The following UNG variants were observed in gnomAD, a reference collection of about 807,000 sequenced individuals.
UNG encodes uracil DNA glycosylase.
Under a neutral mutation model 36.5 loss-of-function variants are expected in UNG, and 34 were observed. That is an observed-to-expected ratio of 0.93 (90% CI 0.71 to 1.24). The LOEUF (loss-of-function observed/expected upper bound fraction) is 1.24. Ranked by LOEUF, UNG falls within the 50% of genes most tolerant of loss-of-function variation. UNG has a pLI of 0.00. For synonymous variants in UNG, 172 were observed against 157.8 expected, an observed-to-expected ratio of 1.09 and a Z score of -0.67; for missense variants, 391 against 397.6, an observed-to-expected ratio of 0.98 and a Z score of 0.14.
At position 109,109,922 on chromosome 12, in the gene UNG, C is replaced by G; in HGVS notation, c.895C>G (p.Leu299Val). The change falls in exon 7 of 7, where the codon CTG becomes GTG. Residue 299 changes from leucine to valine, a missense_variant. Transcript: ENST00000242576. ...GCRHFSKTNE[L>V]LQKSGKKPID... is the part of the protein sequence containing the mutation. Reference sequence around the variant, plus strand: ...TAGACACTTTTCAAAGACCAATGAGCTGCTGCAGAAGTCTGGCAAGAAGCC... The same window carrying G: ...TAGACACTTTTCAAAGACCAATGAGGTGCTGCAGAAGTCTGGCAAGAAGCC... 6.2e-7 allele frequency: 1 copy of G among 1,614,168 alleles called. No individual in the cohort carries two copies. The highest frequency in any genetic ancestry group is 8.5e-7 in the Non-Finnish European group (1 of 1,180,032).
Position 109,097,826 on chromosome 12 carries a change from G to A in UNG, c.132+15G>A. 1 of 1,534,960 alleles carries A rather than the reference G, an allele frequency of 6.5e-7. No homozygotes were observed. The highest frequency in any genetic ancestry group is 2.5e-5 in the East Asian group (1 of 40,638). On this transcript the variant is annotated intron_variant, in intron 1 of 6. Transcript: ENST00000242576. Reference sequence around the variant, plus strand: ...GAGATGCGGCGGTGAGGCGCGGCTTGGGCCGGGGCTAGGGGGTGAAGGGGG... The same window carrying A: ...GAGATGCGGCGGTGAGGCGCGGCTTAGGCCGGGGCTAGGGGGTGAAGGGGG...
In UNG at chr12:109,110,387, T is replaced by C. The variant is rs939509678; in HGVS notation, c.*418T>C. On this transcript the variant is annotated 3_prime_UTR_variant, in exon 7 of 7. Coordinates refer to ENST00000242576, the MANE Select transcript of UNG (RefSeq NM_080911.3). ...GTGTTTTTGCTTAGAAAGGTCCCCT[T>C]GTCTCAGCCTTGCAGGGCAGGCATG... is the stretch of plus-strand genomic sequence containing the variant. The C allele has an allele frequency of 8.3e-6, 2 of 240,948 alleles. No homozygotes were observed. The highest frequency in any genetic ancestry group is 1.7e-5 in the Non-Finnish European group (2 of 121,060). 14.9% of individuals were successfully genotyped at this position (240,948 alleles called of 1,614,324 possible). A position where few individuals can be genotyped will look rare whatever the true frequency, so the allele number is the denominator to read the frequency against.
At position 109,110,224 on chromosome 12, in the gene UNG, A is replaced by G; in HGVS notation, c.*255A>G. Reference sequence around the variant, plus strand: ...AATATGCAGAAGACAGATGAGGTCAAATACTCAGTTGGCTCTCTTTATCTC... The same window carrying G: ...AATATGCAGAAGACAGATGAGGTCAGATACTCAGTTGGCTCTCTTTATCTC... On this transcript the variant is annotated 3_prime_UTR_variant, in exon 7 of 7. Coordinates refer to ENST00000242576, the MANE Select transcript of UNG (RefSeq NM_080911.3). The G allele has an allele frequency of 1.9e-6, 1 of 529,868 alleles. No individual in the cohort carries two copies. Among genetic ancestry groups the G allele is most frequent in the Non-Finnish European group, 3.4e-6 (1 of 295,178 alleles). The allele number at this position is 529,868 out of a possible 1,614,324, so 32.8% of individuals were successfully genotyped here.
chr12:109,110,046 C>T lies in UNG; in HGVS notation c.*77C>T. On this transcript the variant is annotated 3_prime_UTR_variant, in exon 7 of 7. Coordinates refer to ENST00000242576, the MANE Select transcript of UNG (RefSeq NM_080911.3). ...TTACGAAGTTCCACTGAAAATTTTC[C>T]TATTAATTCTTAAGTACTCTGCATA... 6.2e-7 allele frequency: 1 copy of T among 1,603,324 alleles called. No homozygotes were observed. Among genetic ancestry groups the T allele is most frequent in the South Asian group, 1.1e-5 (1 of 90,530 alleles).
At chr12:109,102,089 T>C in intron 4 of UNG, 90 bp downstream of exon 4, 1 of 1,161,932 alleles carries the variant, frequency 8.6e-7, no homozygotes, top group Non-Finnish European at 1.3e-6. Flanking sequence ...TCTGGGGCAC[T>C]GTTCACTAGC....
intron 6 of UNG, 49 bp from the exon 7 acceptor site, chr12:109,109,780 A>AT: frequency 2.5e-6 from 4 of 1,600,774 alleles, no homozygotes; most frequent in Non-Finnish European, 3.4e-6. Context: ...AAAAAAAAAA[A>AT]ATTTAAAAAG....
At chr12:109,097,876 C>T (rs2135881234) in intron 1 of UNG, 65 bp downstream of exon 1, 2 of 1,452,202 alleles carry the variant, frequency 1.4e-6, no homozygotes, top group Non-Finnish European at 1.8e-6. Flanking sequence ...CCCCGCCTGA[C>T]GGAGGGCGTG....
chr12:109,101,265 G>A (rs1410644597), intron 3 of UNG, among the ~76,000 whole-genome samples: 1 of 151,470 alleles, frequency 6.6e-6, no homozygotes, highest in Non-Finnish European at 1.5e-5. Context: ...GCTAATTTTT[G>A]TATTTTTAGT....
At chr12:109,107,781 T>TC (rs1319186554) in intron 6 of UNG, among the ~76,000 whole-genome samples, 1 of 152,128 alleles carries the variant, frequency 6.6e-6, no homozygotes, top group Admixed American at 6.6e-5. Context: ...TACCTCAGCC[T>TC]CCCAAAGTGC....
chr12:109,103,641 T>G (rs1323237938), intron 6 of UNG, 30 bp downstream of exon 6: 1 of 1,558,700 alleles, frequency 6.4e-7, no homozygotes, highest in Non-Finnish European at 8.7e-7. Context: ...TTTTTTTTCT[T>G]TTTTTTTTAA....
chr12:109,103,028 T>C, intron 5 of UNG, 101 bp downstream of exon 5: 1 of 865,756 alleles, frequency 1.2e-6, no homozygotes, highest in Admixed American at 2.0e-5. Flanking sequence ...CTCAGCTTAC[T>C]GCAACCTCTG....
At chr12:109,097,940 C>G in intron 1 of UNG, 129 bp downstream of exon 1, 1 of 1,319,162 alleles carries the variant, frequency 7.6e-7, no homozygotes, top group Non-Finnish European at 1.0e-6. Flanking sequence ...AAATAGCCTC[C>G]ACGTGTTCAA....
At chr12:109,104,658 G>A (rs2042203284) in intron 6 of UNG, among the ~76,000 whole-genome samples, 1 of 152,120 alleles carries the variant, frequency 6.6e-6, no homozygotes, top group East Asian at 1.9e-4. Context: ...GACTAGAGAT[G>A]GAGGCTTGAT....
intron 6 of UNG, among the ~76,000 whole-genome samples, chr12:109,109,162 TC>T: frequency 6.6e-6 from 1 of 152,182 alleles, no homozygotes; most frequent in Non-Finnish European, 1.5e-5. Context: ...GTTAACCCCA[TC>T]CATTGTGTTA....
chr12:109,101,575 T>G (rs1330625931), intron 3 of UNG, among the ~76,000 whole-genome samples: 1 of 151,684 alleles, frequency 6.6e-6, no homozygotes, highest in Non-Finnish European at 1.5e-5. Context: ...GTGGGCATAG[T>G]GGTGCACTCC....
intron 6 of UNG, 58 bp downstream of exon 6, chr12:109,103,669 A>G: frequency 4.6e-6 from 7 of 1,520,894 alleles, no homozygotes; most frequent in Non-Finnish European, 6.2e-6. Context: ...AAAACAATGT[A>G]AAGAATTCTA....
In UNG at chr12:109,097,769, G is replaced by C; in HGVS notation, c.90G>C (p.Gly30=). 6.4e-7 allele frequency: 1 copy of C among 1,565,560 alleles called. No individual in the cohort carries two copies. The highest frequency in any genetic ancestry group is 1.4e-5 in the African/African-American group (1 of 73,486). Residue 30 remains glycine, a synonymous_variant, in exon 1 of 7, where the codon GGG becomes GGC. Coordinates refer to ENST00000242576, the MANE Select transcript of UNG (RefSeq NM_080911.3). ...HAPSPEPAVQ[G]TGVAGVPEES... The stretch of plus-strand genomic sequence containing the variant: ...CCAGCCCCGAGCCGGCCGTCCAGGG[G>C]ACCGGCGTGGCTGGGGTGCCTGAGG...
intron 6 of UNG, among the ~76,000 whole-genome samples, chr12:109,106,885 A>ATG: frequency 1.4e-5 from 1 of 73,748 alleles, no homozygotes; most frequent in Non-Finnish European, 2.4e-5. Context: ...ACATATATAT[A>ATG]TATACACATA....
intron 3 of UNG, among the ~76,000 whole-genome samples, chr12:109,101,536 G>A (rs2042176880): frequency 6.6e-6 from 1 of 151,852 alleles, no homozygotes; most frequent in Non-Finnish European, 1.5e-5. Flanking sequence ...GGGAGGCCGT[G>A]TGTCTACAAA....
Sources: gnomAD v4.1 joint callset for allele counts (sites outside exome capture counted in the v4.1 genomes callset) on GRCh38, gnomAD v4.1.1 for gene constraint, MANE v1.5 for transcripts, NCBI Gene and HGNC (gene_info 2026-07-23, HGNC 2026-07-21) for gene names.